Variants in TSPAN3 observed in about 807,000 individuals in gnomAD.
TSPAN3 encodes tetraspanin-3.
TSPAN3 carries 9 observed loss-of-function variants against 31.1 expected under a neutral mutation model. That is an observed-to-expected ratio of 0.29 (90% CI 0.17 to 0.50). The LOEUF (loss-of-function observed/expected upper bound fraction) is 0.50. Ranked by LOEUF, TSPAN3 falls within the 20% of genes least tolerant of loss-of-function variation. TSPAN3 has a pLI of 0.98. For synonymous variants in TSPAN3, 129 were observed against 114.3 expected (o/e 1.13, Z -0.82); for missense variants, 252 against 313.5 (o/e 0.80, Z 1.48).
At chr15:77,047,464 G>T (rs941587349) in intron 6 of TSPAN3, among the ~76,000 whole-genome samples, 5 of 152,156 alleles carry the variant, frequency 3.3e-5, no homozygotes, top group African/African-American at 4.8e-5. Context: ...ACGAAATTCA[G>T]TATGTGAATA....
Position 77,063,124 on chromosome 15 carries a change from A to ACACCT in TSPAN3, c.64-6874_64-6870dup, listed in dbSNP as rs554037808. Among the ~76,000 whole-genome samples, 391 of 152,280 alleles carry ACACCT rather than the reference A, an allele frequency of 2.6e-3. 1 individual carries two copies. Among genetic ancestry groups the ACACCT allele is most frequent in the Middle Eastern group, 0.017 (5 of 294 alleles). ...TGTGTCCTTAACCAACCAAAAACAG[A>ACACCT]CACCTCTTCCATCCTAAATATTTTA... On this transcript the variant is annotated intron_variant, in intron 1 of 6. Transcript: ENST00000267970.
chr15:77,053,864 C>T (rs930703977), intron 4 of TSPAN3, among the ~76,000 whole-genome samples: 7 of 152,118 alleles, frequency 4.6e-5, no homozygotes, highest in Admixed American at 1.3e-4. Context: ...TGGAGTCAAT[C>T]TGGACTCCCA....
At chr15:77,066,390 T>G (rs1442349853) in intron 1 of TSPAN3, among the ~76,000 whole-genome samples, 1 of 151,754 alleles carries the variant, frequency 6.6e-6, no homozygotes, top group African/African-American at 2.4e-5. Context: ...GCCAATATGG[T>G]GAAACCCTGT....
chr15:77,066,725 A>G (rs2076836012), intron 1 of TSPAN3, among the ~76,000 whole-genome samples: 1 of 152,186 alleles, frequency 6.6e-6, no homozygotes, highest in African/African-American at 2.4e-5. Flanking sequence ...ATCCAAGATG[A>G]TCCAAGCTGT....
chr15:77,054,461 A>T (rs2076754801), intron 3 of TSPAN3, 182 bp from the exon 4 acceptor site: 2 of 460,478 alleles, frequency 4.3e-6, no homozygotes, highest in Admixed American at 7.0e-5. Context: ...CAGGAGGGAG[A>T]AAAGTGACAG....
chr15:77,052,709 G>T, intron 5 of TSPAN3, 68 bp downstream of exon 5: 1 of 1,552,418 alleles, frequency 6.4e-7, no homozygotes, highest in South Asian at 1.2e-5. Flanking sequence ...AGAAGTCCCA[G>T]ATGGTGATAA....
chr15:77,047,912 C>CA (rs2076705280), intron 6 of TSPAN3, among the ~76,000 whole-genome samples: 1 of 152,180 alleles, frequency 6.6e-6, no homozygotes, highest in South Asian at 2.1e-4. Context: ...AACAGACTCT[C>CA]AAAGTTTGAA....
intron 6 of TSPAN3, among the ~76,000 whole-genome samples, chr15:77,047,632 A>T (rs769811327): frequency 2.0e-5 from 3 of 152,234 alleles, no homozygotes; most frequent in Non-Finnish European, 4.4e-5. Context: ...TATTTCAATA[A>T]GTCCTAAACC....
In TSPAN3 at chr15:77,043,252, T is replaced by C. The variant is rs2076669987; in HGVS notation, c.*3583A>G. 6.6e-6 allele frequency: 1 copy of C among 152,288 alleles called. No individual in the cohort carries two copies. The highest frequency in any genetic ancestry group is 1.5e-5 in the Non-Finnish European group (1 of 68,134). 9.4% of individuals were successfully genotyped at this position (152,288 alleles called of 1,614,324 possible). On this transcript the variant is annotated 3_prime_UTR_variant, in exon 7 of 7. Transcript: ENST00000267970. ...ACCTCCTCTGAGTTTCCACGTTCCT[T>C]CTCTGTTTTCTCTTCCCTTAGCCCT...
At chr15:77,059,364 G>A (rs2076787230) in intron 1 of TSPAN3, among the ~76,000 whole-genome samples, 1 of 152,230 alleles carries the variant, frequency 6.6e-6, no homozygotes, top group South Asian at 2.1e-4. Flanking sequence ...TTACAGGCGT[G>A]AGCCATTGCG....
chr15:77,063,257 T>C (rs1461491206), intron 1 of TSPAN3: 1 of 152,250 alleles, frequency 6.6e-6, no homozygotes, highest in African/African-American at 2.4e-5. Context: ...TCAATGTACA[T>C]TATGTTCCTT....
intron 1 of TSPAN3, 38 bp downstream of exon 1, chr15:77,070,854 C>G: frequency 8.0e-7 from 1 of 1,251,680 alleles, no homozygotes; most frequent in South Asian, 2.3e-5. Flanking sequence ...CTCGCCCGGC[C>G]CCGCCGCCGG....
intron 6 of TSPAN3, among the ~76,000 whole-genome samples, chr15:77,047,776 G>A (rs1188622571): frequency 6.6e-6 from 1 of 152,112 alleles, no homozygotes; most frequent in Non-Finnish European, 1.5e-5. Flanking sequence ...TAATTTTTTT[G>A]TGAGATAATT....
chr15:77,069,268 T>G (rs1049531743), intron 1 of TSPAN3, among the ~76,000 whole-genome samples: 1 of 152,152 alleles, frequency 6.6e-6, no homozygotes, highest in East Asian at 1.9e-4. Context: ...AAAAATGTTA[T>G]GGATGCATAA....
chr15:77,063,218 A>G (rs1212627997), intron 1 of TSPAN3, among the ~76,000 whole-genome samples: 1 of 152,092 alleles, frequency 6.6e-6, no homozygotes, highest in Admixed American at 6.5e-5. Flanking sequence ...CATCCTGTAC[A>G]TGTTTTCTGA....
chr15:77,059,158 C>T (rs1487994397), intron 1 of TSPAN3, among the ~76,000 whole-genome samples: 1 of 152,218 alleles, frequency 6.6e-6, no homozygotes. Flanking sequence ...TCTCAGCTCA[C>T]TGCAGGCTCC....
chr15:77,061,854 T>TGAA lies in TSPAN3; in HGVS notation c.64-5600_64-5599insTTC, dbSNP rs1276863982. Among the ~76,000 whole-genome samples, 4 of 152,346 alleles carry TGAA rather than the reference T, an allele frequency of 2.6e-5. No homozygotes were observed. The East Asian group carries it at 7.7e-4, about 29-fold the overall frequency. On this transcript the variant is annotated intron_variant, in intron 1 of 6. Transcript: ENST00000267970. ...AACAATGTAAAGACAAGGCACCATC[T>TGAA]GGACTTTATTCACCTAAAAGCACAG...
intron 1 of TSPAN3, among the ~76,000 whole-genome samples, chr15:77,061,235 G>C (rs914350352): frequency 6.6e-6 from 1 of 152,120 alleles, no homozygotes; most frequent in Non-Finnish European, 1.5e-5. Context: ...TAGATAAAAT[G>C]TTAAAATCTG....
intron 6 of TSPAN3, among the ~76,000 whole-genome samples, chr15:77,048,736 A>T (rs2076709426): frequency 6.6e-6 from 1 of 152,204 alleles, no homozygotes. Flanking sequence ...ACTCTCTTGC[A>T]ATATTCAAGG....
Sources: gnomAD v4.1 joint callset for allele counts (sites outside exome capture counted in the v4.1 genomes callset) on GRCh38, gnomAD v4.1.1 for gene constraint, MANE v1.5 for transcripts, NCBI Gene and HGNC (gene_info 2026-07-23, HGNC 2026-07-21) for gene names.